CLASP1: variants seen among roughly 807,000 people sequenced by gnomAD.
The protein encoded by CLASP1 is CLIP-associating protein 1.
CLASP1 carries 38 observed loss-of-function variants against 192.3 expected under a neutral mutation model. The ratio of observed to expected loss-of-function variants is 0.20; its 90% CI spans 0.15 to 0.26. CLASP1 has a LOEUF of 0.26. Ranked by LOEUF, CLASP1 falls within the 10% of genes least tolerant of loss-of-function variation. The pLI is 1.00. For missense variants in CLASP1, 1,433 were observed against 1,932.5 expected, an observed-to-expected ratio of 0.74 and a Z score of 4.85; for synonymous variants, 691 against 712.8, an observed-to-expected ratio of 0.97 and a Z score of 0.49.
intron 25 of CLASP1, among the ~76,000 whole-genome samples, 188 bp from the exon 27 acceptor site, chr2:121,404,622 T>C (rs1033079551): frequency 1.2e-4 from 18 of 152,092 alleles, no homozygotes; most frequent in African/African-American, 4.3e-4. Context: ...CTACCACACC[T>C]GGGTAATTTT....
At chr2:121,561,116 A>C (rs2059046144) in intron 2 of CLASP1, among the ~76,000 whole-genome samples, 1 of 152,252 alleles carries the variant, frequency 6.6e-6, no homozygotes, top group South Asian at 2.1e-4. Context: ...CATGTTGGCC[A>C]GGTTGGTCTC....
chr2:121,357,652 C>T (rs2065661307), intron 37 of CLASP1, among the ~76,000 whole-genome samples: 1 of 152,224 alleles, frequency 6.6e-6, no homozygotes, highest in Non-Finnish European at 1.5e-5. Context: ...ACTCCCCTAC[C>T]TATGAATAAC....
intron 2 of CLASP1, among the ~76,000 whole-genome samples, chr2:121,560,249 T>C (rs1044759684): frequency 1.8e-4 from 28 of 152,238 alleles, no homozygotes; most frequent in African/African-American, 6.8e-4. Flanking sequence ...ATATTTAACA[T>C]GGGAAGATGT....
chr2:121,578,667 G>A (rs2060802622), intron 2 of CLASP1, among the ~76,000 whole-genome samples: 1 of 151,272 alleles, frequency 6.6e-6, no homozygotes, highest in Non-Finnish European at 1.5e-5. Context: ...GGCGGAGGTT[G>A]CAGTGAGCCG....
intron 6 of CLASP1, among the ~76,000 whole-genome samples, 158 bp downstream of exon 6, chr2:121,525,687 T>C (rs977190288): frequency 2.0e-5 from 3 of 152,136 alleles, no homozygotes; most frequent in African/African-American, 7.2e-5. Context: ...TTTGAATGTA[T>C]AAATATTTTA....
chr2:121,477,011 A>G (rs1286301528), intron 8 of CLASP1, among the ~76,000 whole-genome samples: 1 of 152,202 alleles, frequency 6.6e-6, no homozygotes. Flanking sequence ...ACCCCTATGC[A>G]TTCTTGAAAA....
At chr2:121,536,377 T>TAAAAAAA (rs1559552495) in intron 2 of CLASP1, among the ~76,000 whole-genome samples, 3 of 62,074 alleles carry the variant, frequency 4.8e-5, no homozygotes, top group African/African-American at 4.7e-4. Flanking sequence ...CAAGACTGTC[T>TAAAAAAA]GAAAAAAAAA....
At chr2:121,486,223 T>C (rs767633996) in intron 8 of CLASP1, among the ~76,000 whole-genome samples, 11 of 152,134 alleles carry the variant, frequency 7.2e-5, no homozygotes, top group Non-Finnish European at 1.5e-4. Context: ...CATTTATCCC[T>C]CAAAAAGGAA....
At chr2:121,403,086 C>T (rs1369870739) in intron 26 of CLASP1, among the ~76,000 whole-genome samples, 2 of 152,210 alleles carry the variant, frequency 1.3e-5, no homozygotes, top group African/African-American at 4.8e-5. Context: ...CCCACCTCAG[C>T]CTCCCAAAGT....
At chr2:121,593,372 C>T (rs2062655772) in intron 2 of CLASP1, among the ~76,000 whole-genome samples, 1 of 152,118 alleles carries the variant, frequency 6.6e-6, no homozygotes, top group Admixed American at 6.5e-5. Context: ...GTAATCCCAG[C>T]ACTTAGGGAG....
chr2:121,367,134 G>A (rs1393567994), intron 35 of CLASP1, among the ~76,000 whole-genome samples: 1 of 152,212 alleles, frequency 6.6e-6, no homozygotes, highest in African/African-American at 2.4e-5. Flanking sequence ...TGAAAGGAGA[G>A]GGAAGCCTCA....
At chr2:121,611,357 A>G (rs2065439875) in intron 1 of CLASP1, among the ~76,000 whole-genome samples, 1 of 139,832 alleles carries the variant, frequency 7.2e-6, no homozygotes, top group Non-Finnish European at 1.6e-5. Context: ...GAGGAACTGG[A>G]GGAGGAGGTG....
At chr2:121,649,461 A>AT (rs2073803524) in exon 1 of CLASP1, 1 of 131,216 alleles carries the variant, frequency 7.6e-6, no homozygotes, top group Admixed American at 7.4e-5. Context: ...TGGTGCGGGG[A>AT]TTAAAAAAAA....
intron 1 of CLASP1, among the ~76,000 whole-genome samples, chr2:121,607,929 C>A (rs1576422084): frequency 6.6e-6 from 1 of 152,118 alleles, no homozygotes; most frequent in Non-Finnish European, 1.5e-5. Context: ...TCCTTCAAAG[C>A]CCCAGCACAT....
At chr2:121,388,412 C>T (rs2073731877) in intron 30 of CLASP1, among the ~76,000 whole-genome samples, 1 of 152,148 alleles carries the variant, frequency 6.6e-6, no homozygotes, top group African/African-American at 2.4e-5. Context: ...TCTACTTTTA[C>T]ACCTATAAAC....
At chr2:121,530,788 C>G (rs932003545) in intron 2 of CLASP1, 4 of 589,182 alleles carry the variant, frequency 6.8e-6, no homozygotes, top group East Asian at 2.8e-5. Flanking sequence ...AAGCTAGCTA[C>G]CAGACCGACT....
At chr2:121,511,428 A>C (rs2094132379) in intron 7 of CLASP1, among the ~76,000 whole-genome samples, 1 of 152,128 alleles carries the variant, frequency 6.6e-6, no homozygotes, top group South Asian at 2.1e-4. Flanking sequence ...GTCTCTACTA[A>C]AAATACAAAA....
rs763379098 is a variant in CLASP1 at position 121,530,852 on chromosome 2, T to G, written c.196-527A>C. 6 of 668,952 alleles carry G rather than the reference T, an allele frequency of 9.0e-6. No individual in the cohort carries two copies. The South Asian group carries it at 9.2e-5, about 10-fold the overall frequency. The allele number at this position is 668,952 out of a possible 1,614,324, so 41.4% of individuals were successfully genotyped here. On this transcript the variant is annotated intron_variant, in intron 2 of 39. Coordinates refer to ENST00000263710, the Ensembl canonical transcript of CLASP1. ...AACCCTACCAGGTATTGGCGCTTCC[T>G]GCTTGCAGCCCAGGGACTTTCTATT...
chr2:121,443,399 T>C (rs1025346672), intron 19 of CLASP1, among the ~76,000 whole-genome samples: 5 of 152,212 alleles, frequency 3.3e-5, no homozygotes, highest in African/African-American at 7.2e-5. Context: ...TCCCATGTAA[T>C]GTCTTTGCTT....
Sources: gnomAD v4.1 joint callset for allele counts (sites outside exome capture counted in the v4.1 genomes callset) on GRCh38, gnomAD v4.1.1 for gene constraint, MANE v1.5 for transcripts, NCBI Gene and HGNC (gene_info 2026-07-23, HGNC 2026-07-21) for gene names.